The following ANKIB1 variants were observed in gnomAD, a reference collection of about 807,000 sequenced individuals.
The protein encoded by ANKIB1 is ankyrin repeat and IBR domain containing 1.
A neutral mutation model predicts 122.1 loss-of-function variants in ANKIB1; 43 were observed. That is an observed-to-expected ratio of 0.35 (90% CI 0.28 to 0.45). The LOEUF is 0.45. ANKIB1 is among the 20% of genes least tolerant of loss of function. ANKIB1 has a pLI of 1.00. For missense variants in ANKIB1, 992 were observed against 1,329.5 expected (o/e 0.75, Z 3.95); for synonymous variants, 390 against 442.0 (o/e 0.88, Z 1.48).
chr7:92,335,113 G>A (rs886642153), intron 5 of ANKIB1, among the ~76,000 whole-genome samples: 4 of 151,276 alleles, frequency 2.6e-5, no homozygotes, highest in Non-Finnish European at 5.9e-5. Context: ...AAGTTTGTAT[G>A]TTGTATTTTC....
chr7:92,371,576 A>C lies in ANKIB1; in HGVS notation c.1586A>C (p.Asn529Thr). The change falls in exon 11 of 20, where the codon AAT becomes ACT. Residue 529 changes from asparagine (N) to threonine (T), a missense_variant. This residue lies in a region of ANKIB1 where 521 missense variants were observed against 777.7 expected (regional missense o/e 0.67). Transcript: ENST00000265742. ...AACTGTAAGTCTCCAATACAGAAGA[A>C]TGAAGGCTGCAATCACATGCAGTGT... Reference protein sequence around the residue: ...CANCKSPIQKNEGCNHMQCAK... With the variant: ...CANCKSPIQKTEGCNHMQCAK... 6.2e-7 allele frequency: 1 copy of C among 1,605,440 alleles called. No homozygotes were observed. Among genetic ancestry groups the C allele is most frequent in the Non-Finnish European group, 8.5e-7 (1 of 1,175,598 alleles).
rs1800970060 is a variant in ANKIB1 at position 92,246,173 on chromosome 7, C to G, written c.-437C>G. On this transcript the variant is annotated 5_prime_UTR_variant, in exon 1 of 20. Transcript: ENST00000265742. ...GCGCAAGGCTGGAACATGAGCCGGGCTTGACCGCGAGGCGGAGGCAAGAGC... is the reference window on the plus strand; with the variant it reads ...GCGCAAGGCTGGAACATGAGCCGGGGTTGACCGCGAGGCGGAGGCAAGAGC... 5.7e-6 allele frequency: 2 copies of G among 348,408 alleles called. No homozygotes were observed. Among genetic ancestry groups the G allele is most frequent in the Non-Finnish European group, 1.1e-5 (2 of 185,266 alleles). The allele number at this position is 348,408 out of a possible 1,614,324, so 21.6% of individuals were successfully genotyped here.
Position 92,246,393 on chromosome 7 carries a change from C to G in ANKIB1, c.-217C>G. 1 of 485,090 alleles carries G rather than the reference C, an allele frequency of 2.1e-6. No homozygotes were observed. The highest frequency in any genetic ancestry group is 1.5e-5 in the South Asian group (1 of 66,974). The allele number at this position is 485,090 out of a possible 1,614,324, so 30.0% of individuals were successfully genotyped here. A position where few individuals can be genotyped will look rare whatever the true frequency, so the allele number is the denominator to read the frequency against. On this transcript the variant is annotated 5_prime_UTR_variant, in exon 1 of 20. Coordinates refer to ENST00000265742, the MANE Select transcript of ANKIB1 (RefSeq NM_019004.2). ...CCCGGGCCGGCGAGGAAGGGGCAAC[C>G]GTCCGGGTGGGTGGGGCGGGCTGGG...
chr7:92,378,343 C>T (rs1011447105), intron 11 of ANKIB1, among the ~76,000 whole-genome samples: 3 of 151,912 alleles, frequency 2.0e-5, no homozygotes, highest in Admixed American at 2.0e-4. Flanking sequence ...TTTAGGATTT[C>T]TGATTTTTAG....
intron 3 of ANKIB1, among the ~76,000 whole-genome samples, chr7:92,310,642 T>G (rs1240751596): frequency 6.6e-6 from 1 of 152,188 alleles, no homozygotes; most frequent in Non-Finnish European, 1.5e-5. Context: ...AATCCACAGA[T>G]GCTCAAATCC....
intron 3 of ANKIB1, among the ~76,000 whole-genome samples, chr7:92,317,387 C>G (rs370493494): frequency 2.4e-4 from 36 of 152,200 alleles, no homozygotes; most frequent in African/African-American, 8.7e-4. Context: ...GTCCCCAGAC[C>G]ACACTTGCAG....
chr7:92,348,942 TAGC>T (rs1803600839), intron 7 of ANKIB1, among the ~76,000 whole-genome samples: 3 of 152,184 alleles, frequency 2.0e-5, no homozygotes, highest in Admixed American at 6.5e-5. Flanking sequence ...GAAGAGGTGA[TAGC>T]AGCCAGATGC....
chr7:92,339,823 G>T (rs1268214640), intron 5 of ANKIB1, among the ~76,000 whole-genome samples: 2 of 149,258 alleles, frequency 1.3e-5, no homozygotes, highest in African/African-American at 4.9e-5. Flanking sequence ...TTTTCTTGCA[G>T]TTTATAGGTT....
intron 2 of ANKIB1, among the ~76,000 whole-genome samples, chr7:92,302,870 C>T (rs543509990): frequency 1.3e-5 from 2 of 152,296 alleles, no homozygotes; most frequent in East Asian, 1.9e-4. Flanking sequence ...GGGACTTTAT[C>T]TGTTTTCTTT....
chr7:92,287,341 CT>C (rs1490828561), intron 1 of ANKIB1, among the ~76,000 whole-genome samples: 1 of 152,178 alleles, frequency 6.6e-6, no homozygotes, highest in Non-Finnish European at 1.5e-5. Context: ...GTTGTGCTGT[CT>C]TTTCTTGTTT....
intron 3 of ANKIB1, among the ~76,000 whole-genome samples, chr7:92,312,162 G>A (rs887938412): frequency 2.6e-5 from 4 of 151,870 alleles, no homozygotes; most frequent in African/African-American, 4.8e-5. Flanking sequence ...TATTTCTGTG[G>A]CCACTTTCTA....
At chr7:92,398,127 G>A (rs1804939760) in intron 19 of ANKIB1, 85 bp from the exon 20 acceptor site, 1 of 1,369,048 alleles carries the variant, frequency 7.3e-7, no homozygotes, top group Non-Finnish European at 9.7e-7. Flanking sequence ...TAATCTGTTG[G>A]TAAAGGAAGA....
chr7:92,381,322 ATAT>A (rs1354912768), intron 11 of ANKIB1, among the ~76,000 whole-genome samples: 1 of 152,210 alleles, frequency 6.6e-6, no homozygotes, highest in Non-Finnish European at 1.5e-5. Flanking sequence ...ACTCTTCAGG[ATAT>A]TATCCAGGAG....
intron 2 of ANKIB1, among the ~76,000 whole-genome samples, chr7:92,302,469 GTTATA>G (rs1382085696): frequency 6.6e-6 from 1 of 152,088 alleles, no homozygotes; most frequent in Admixed American, 6.6e-5. Flanking sequence ...ATGCTATGTG[GTTATA>G]TTATATCACA....
At chr7:92,391,992 A>G (rs1804796816) in intron 16 of ANKIB1, among the ~76,000 whole-genome samples, 1 of 152,200 alleles carries the variant, frequency 6.6e-6, no homozygotes, top group South Asian at 2.1e-4. Context: ...AAATACAAAT[A>G]GAAGCATTAT....
At chr7:92,340,956 C>A (rs1467887982) in intron 5 of ANKIB1, among the ~76,000 whole-genome samples, 1 of 152,092 alleles carries the variant, frequency 6.6e-6, no homozygotes, top group Non-Finnish European at 1.5e-5. Flanking sequence ...AGAACTGTAA[C>A]ACCCATTGCT....
At chr7:92,332,277 T>C (rs1355473574) in intron 5 of ANKIB1, among the ~76,000 whole-genome samples, 1 of 152,230 alleles carries the variant, frequency 6.6e-6, no homozygotes, top group Admixed American at 6.5e-5. Flanking sequence ...TACAGTTTAC[T>C]ATAATTGCTC....
intron 2 of ANKIB1, among the ~76,000 whole-genome samples, chr7:92,302,509 G>A (rs1355847071): frequency 6.6e-6 from 1 of 152,030 alleles, no homozygotes; most frequent in Non-Finnish European, 1.5e-5. Context: ...CCTCTTTTGT[G>A]GGAAACTAAA....
At chr7:92,380,879 A>T (rs764209503) in intron 11 of ANKIB1, among the ~76,000 whole-genome samples, 35 of 152,332 alleles carry the variant, frequency 2.3e-4, no homozygotes, top group African/African-American at 7.7e-4. Context: ...CTCGCCAGCA[A>T]CGGAACAAAG....
Sources: allele counts gnomAD v4.1 joint callset (sites outside exome capture counted in the v4.1 genomes callset), GRCh38; gene constraint gnomAD v4.1.1; regional missense constraint gnomAD v4.1.1; transcripts MANE v1.5; gene names NCBI Gene and HGNC (gene_info 2026-07-23, HGNC 2026-07-21).